NTN1: variants seen among roughly 807,000 people sequenced by gnomAD.
NTN1 encodes netrin 1.
A neutral mutation model predicts 54.2 loss-of-function variants in NTN1; 11 were observed. That is an observed-to-expected ratio of 0.20 (90% CI 0.13 to 0.34). The LOEUF (loss-of-function observed/expected upper bound fraction) is 0.34, where lower values mean the gene tolerates loss of function less well. Ranked by LOEUF, NTN1 falls within the 10% of genes least tolerant of loss-of-function variation. The pLI is 1.00. For synonymous variants in NTN1, 371 were observed against 382.0 expected (o/e 0.97, Z 0.33); for missense variants, 740 against 893.1 (o/e 0.83, Z 2.18).
intron 2 of NTN1, among the ~76,000 whole-genome samples, chr17:9,029,068 C>T (rs916606411): frequency 6.6e-6 from 1 of 151,838 alleles, no homozygotes; most frequent in Non-Finnish European, 1.5e-5. Flanking sequence ...GTAGAGCAGG[C>T]CCACAGCATT....
intron 2 of NTN1, among the ~76,000 whole-genome samples, chr17:9,077,842 G>A (rs1047853097): frequency 1.4e-4 from 22 of 152,144 alleles, no homozygotes; most frequent in Non-Finnish European, 2.8e-4. Context: ...AGGCAGGACC[G>A]GTGTTCAATG....
intron 6 of NTN1, among the ~76,000 whole-genome samples, chr17:9,224,383 G>A (rs1905464376): frequency 6.6e-6 from 1 of 152,220 alleles, no homozygotes; most frequent in African/African-American, 2.4e-5. Flanking sequence ...TCTTGGGGCG[G>A]GGAAGGGTGG....
At chr17:9,183,697 A>C (rs1020983687) in intron 5 of NTN1, 5 of 186,096 alleles carry the variant, frequency 2.7e-5, no homozygotes, top group African/African-American at 1.2e-4. Context: ...GGGTCTTTAA[A>C]GATATTTGGG....
rs1811521499 is a variant in NTN1, at chr17:9,239,394, A to G, written c.1487-246A>G. Among the ~76,000 whole-genome samples the G allele has an allele frequency of 6.6e-6, 1 of 152,140 alleles. No individual in the cohort carries two copies. On this transcript the variant is annotated intron_variant, in intron 6 of 6. Transcript: ENST00000173229. This position sits in a 1 kb window ranked among gnomAD's most constrained non-coding sequence, Gnocchi z 5.2. ...CAAAGTGGGCCTTGACAAGGCCAGG[A>G]GATGGCTTGTCCCGACGGCAGTGCT...
Position 9,203,138 on chromosome 17 carries a change from A to G in NTN1, c.1412-18030A>G, listed in dbSNP as rs371275250. Among the ~76,000 whole-genome samples, 647 of 151,572 alleles carry G rather than the reference A, an allele frequency of 4.3e-3. 5 individuals carry two copies. Among genetic ancestry groups the G allele is most frequent in the African/African-American group, 0.012 (506 of 41,066 alleles). ...GGGTTTCACCATGTTAGCCAGGATG[A>G]TCTCGATCTCCTGACCTCGTGATCC... On this transcript the variant is annotated intron_variant, in intron 5 of 6. Transcript: ENST00000173229.
At chr17:9,147,501 G>A (rs1189829791) in intron 2 of NTN1, among the ~76,000 whole-genome samples, 1 of 152,130 alleles carries the variant, frequency 6.6e-6, no homozygotes, top group Non-Finnish European at 1.5e-5. Flanking sequence ...GCGACAGAGA[G>A]AGACTCCGTC....
intron 6 of NTN1, among the ~76,000 whole-genome samples, chr17:9,231,356 C>T (rs1383688787): frequency 1.3e-5 from 2 of 152,212 alleles, no homozygotes; most frequent in African/African-American, 4.8e-5. Context: ...CTTTGCAAGC[C>T]CTGACCCCTG....
At chr17:9,116,148 G>C (rs1006337345) in intron 2 of NTN1, among the ~76,000 whole-genome samples, 1 of 152,248 alleles carries the variant, frequency 6.6e-6, no homozygotes, top group Non-Finnish European at 1.5e-5. Context: ...AGGAGCGGCT[G>C]TGGGCCAGCT....
chr17:9,189,247 A>T (rs1246747616), intron 5 of NTN1, among the ~76,000 whole-genome samples: 1 of 152,188 alleles, frequency 6.6e-6, no homozygotes, highest in Non-Finnish European at 1.5e-5. Context: ...GCACAGAGAG[A>T]TGGGTGAGCC....
chr17:9,025,362 T>G (rs1331751311), intron 2 of NTN1, among the ~76,000 whole-genome samples: 3 of 152,240 alleles, frequency 2.0e-5, no homozygotes, highest in Admixed American at 2.0e-4. Flanking sequence ...TTGACCTTTT[T>G]TTTTATTGGC....
intron 2 of NTN1, among the ~76,000 whole-genome samples, chr17:9,125,497 G>A (rs1282904212): frequency 1.3e-5 from 2 of 151,876 alleles, no homozygotes; most frequent in Admixed American, 1.3e-4. Context: ...CAAAGTGCTG[G>A]GATTACAGGT....
rs60675960 is a variant in NTN1, at chr17:9,191,865, TAAAAAA to T, written c.1411+8917_1411+8922del. 9.4e-3 allele frequency among the ~76,000 whole-genome samples: 836 copies of T among 89,172 alleles called. 3 individuals carry two copies. Among genetic ancestry groups the T allele is most frequent in the African/African-American group, 0.036 (749 of 20,766 alleles). 58.5% of individuals were successfully genotyped at this position (89,172 alleles called of 152,430 possible). On this transcript the variant is annotated intron_variant, in intron 5 of 6. Transcript: ENST00000173229. ...CAACATAATGAGACCTTATCGCTAC[TAAAAAA>T]AAAAAAAAAAAAAAAAAAAATCCAG...
At chr17:9,117,433 C>T (rs550217920) in intron 2 of NTN1, among the ~76,000 whole-genome samples, 3 of 152,238 alleles carry the variant, frequency 2.0e-5, no homozygotes, top group South Asian at 2.1e-4. Context: ...TGGGTCTGCA[C>T]CTGGACCAAG....
chr17:9,047,490 T>C (rs917992004), intron 2 of NTN1, among the ~76,000 whole-genome samples: 2 of 152,170 alleles, frequency 1.3e-5, no homozygotes, highest in Non-Finnish European at 2.9e-5. Context: ...TCGTCATCTG[T>C]TCAGGTTTTA....
chr17:9,139,293 G>A (rs772275140), intron 2 of NTN1, among the ~76,000 whole-genome samples: 14 of 152,142 alleles, frequency 9.2e-5, no homozygotes, highest in East Asian at 1.9e-4. Context: ...AGCAGGTACC[G>A]GAGGGCCAGG....
the NTN1 span, among the ~76,000 whole-genome samples, chr17:9,003,603 G>C: frequency 1.2e-4 from 18 of 148,830 alleles, no homozygotes; most frequent in South Asian, 3.7e-3. The surrounding 1 kb of genome is among the most constrained non-coding windows in gnomAD (Gnocchi z 7.4). Flanking sequence ...GCCCTGCCGC[G>C]CCCGCGCCCC....
intron 3 of NTN1, among the ~76,000 whole-genome samples, chr17:9,168,797 C>A (rs2092379748): frequency 6.6e-6 from 1 of 152,176 alleles, no homozygotes; most frequent in African/African-American, 2.4e-5. Context: ...TATGTGGGTC[C>A]CCTGTCACAT....
At chr17:9,201,807 G>GC (rs939471007) in intron 5 of NTN1, among the ~76,000 whole-genome samples, 1 of 152,032 alleles carries the variant, frequency 6.6e-6, no homozygotes, top group Admixed American at 6.6e-5. Context: ...CTCAGAGGAT[G>GC]CCCTCTAAAA....
chr17:9,043,855 C>T (rs1001807712), intron 2 of NTN1, among the ~76,000 whole-genome samples: 2 of 152,114 alleles, frequency 1.3e-5, no homozygotes, highest in South Asian at 4.2e-4. Flanking sequence ...GCTGGGATTA[C>T]AGGCGTGAAC....
Sources: allele counts gnomAD v4.1 joint callset (sites outside exome capture counted in the v4.1 genomes callset), GRCh38; gene constraint gnomAD v4.1.1; non-coding constraint Gnocchi (gnomAD v3.1); transcripts MANE v1.5; gene names NCBI Gene and HGNC (gene_info 2026-07-23, HGNC 2026-07-21).